The following TRPC4 variants were observed in gnomAD, a reference collection of about 807,000 sequenced individuals.
The protein encoded by TRPC4 is short transient receptor potential channel 4.
TRPC4 carries 49 observed loss-of-function variants against 99.4 expected under a neutral mutation model. The observed-to-expected ratio is 0.49, with a 90% confidence interval of 0.39 to 0.63. The LOEUF is 0.63. TRPC4 is among the 20% of genes least tolerant of loss of function. The probability of loss-of-function intolerance (pLI) is 0.00; values close to 1 mark genes in which losing one functional copy is unlikely to be tolerated. For missense variants in TRPC4, 898 were observed against 1,152.9 expected, an observed-to-expected ratio of 0.78 and a Z score of 3.20; for synonymous variants, 454 against 425.9, an observed-to-expected ratio of 1.07 and a Z score of -0.81.
chr13:37,757,091 A>AC (rs2139220803), intron 2 of TRPC4, among the ~76,000 whole-genome samples: 1 of 14,760 alleles, frequency 6.8e-5, no homozygotes. Context: ...AAAATACATT[A>AC]AAAAATATGC....
At position 37,636,550 on chromosome 13, in the gene TRPC4, A is replaced by C. The variant is rs975583206; in HGVS notation, c.*353T>G. On this transcript the variant is annotated 3_prime_UTR_variant, in exon 11 of 11. Transcript: ENST00000379705. ...TCAGCCACATTGGTTTTTGAATATA[A>C]AAATATCTATTTTAGGAGTCAACTA... 6.1e-6 allele frequency: 1 copy of C among 164,698 alleles called. No homozygotes were observed. The highest frequency in any genetic ancestry group is 1.3e-5 in the Non-Finnish European group (1 of 76,872). 10.2% of individuals were successfully genotyped at this position (164,698 alleles called of 1,614,324 possible).
chr13:37,834,535 T>C (rs1472536099), intron 1 of TRPC4, among the ~76,000 whole-genome samples: 1 of 152,212 alleles, frequency 6.6e-6, no homozygotes, highest in Non-Finnish European at 1.5e-5. Flanking sequence ...AAAAGATTAC[T>C]TTCCTCATAA....
At chr13:37,813,560 C>T (rs1035504931) in intron 1 of TRPC4, among the ~76,000 whole-genome samples, 1 of 151,608 alleles carries the variant, frequency 6.6e-6, no homozygotes, top group Admixed American at 6.6e-5. Flanking sequence ...AACACTACTA[C>T]TGATGTTACA....
At chr13:37,639,419 A>T (rs1466313763) in intron 8 of TRPC4, 120 bp from the exon 9 acceptor site, 1 of 1,005,736 alleles carries the variant, frequency 9.9e-7, no homozygotes, top group East Asian at 2.7e-5. Flanking sequence ...GAGTTTTACT[A>T]GTCAATGGAC....
At chr13:37,859,056 C>T (rs1959199419) in intron 1 of TRPC4, among the ~76,000 whole-genome samples, 2 of 151,220 alleles carry the variant, frequency 1.3e-5, no homozygotes, top group Admixed American at 6.6e-5. Flanking sequence ...TAAATACATA[C>T]ACCTACTATG....
Position 37,632,910 on chromosome 13 carries a change from C to A in TRPC4, c.*3993G>T, listed in dbSNP as rs17056328. 8.1e-3 allele frequency among the ~76,000 whole-genome samples: 1,236 copies of A among 152,236 alleles called. 13 individuals carry two copies. Among genetic ancestry groups the A allele is most frequent in the African/African-American group, 0.028 (1,184 of 41,552 alleles). On this transcript the variant is annotated 3_prime_UTR_variant, in exon 11 of 11. Coordinates refer to ENST00000379705, the MANE Select transcript of TRPC4 (RefSeq NM_016179.4). The stretch of plus-strand genomic sequence containing the variant: ...ATATTTTCTACAAGGGCAAAGAAGA[C>A]AAAATGTTCCCCAAATAAAAAGTCA...
At chr13:37,830,850 GA>G (rs554372517) in intron 1 of TRPC4, among the ~76,000 whole-genome samples, 6 of 148,752 alleles carry the variant, frequency 4.0e-5, no homozygotes, top group Admixed American at 1.3e-4. Flanking sequence ...TAGAAGGGGA[GA>G]AAAGTAAGCG....
At chr13:37,647,389 T>C (rs1054615764) in intron 8 of TRPC4, among the ~76,000 whole-genome samples, 1 of 152,164 alleles carries the variant, frequency 6.6e-6, no homozygotes, top group African/African-American at 2.4e-5. Flanking sequence ...TAAACCAGCC[T>C]GGTAAACAAG....
intron 1 of TRPC4, among the ~76,000 whole-genome samples, chr13:37,812,419 A>G (rs1957729636): frequency 6.6e-6 from 1 of 152,032 alleles, no homozygotes; most frequent in South Asian, 2.1e-4. Context: ...AGATATTAAA[A>G]TTAGCAAGAA....
At chr13:37,851,543 GAAATT>G (rs1338632371) in intron 1 of TRPC4, among the ~76,000 whole-genome samples, 4 of 152,254 alleles carry the variant, frequency 2.6e-5, no homozygotes, top group African/African-American at 9.6e-5. Flanking sequence ...TTCAATAACT[GAAATT>G]ATTAATTCAA....
intron 1 of TRPC4, among the ~76,000 whole-genome samples, chr13:37,855,337 GATAT>G (rs59525799): frequency 3.7e-5 from 5 of 136,576 alleles, no homozygotes; most frequent in East Asian, 2.1e-4. Flanking sequence ...ATACAATGTA[GATAT>G]ATATATATAT....
intron 8 of TRPC4, among the ~76,000 whole-genome samples, chr13:37,648,547 TA>T (rs906421779): frequency 1.8e-3 from 249 of 141,962 alleles, no homozygotes; most frequent in Admixed American, 1.7e-3. Context: ...TATTAATGGT[TA>T]AAAAAAAAAA....
chr13:37,789,712 T>G (rs979149201), intron 1 of TRPC4, among the ~76,000 whole-genome samples: 1 of 152,096 alleles, frequency 6.6e-6, no homozygotes, highest in African/African-American at 2.4e-5. Flanking sequence ...GTTTTTCTTT[T>G]CTGCACATCT....
chr13:37,634,121 CAT>C lies in TRPC4; in HGVS notation c.*2780_*2781del, dbSNP rs1951453712. On this transcript the variant is annotated 3_prime_UTR_variant, in exon 11 of 11. Transcript: ENST00000379705. ...TTAAGAGAGTACGAAAAATGAGAAACATTATTTATGTAAATGAAGGTAATTTC... is the reference window on the plus strand; with the variant it reads ...TTAAGAGAGTACGAAAAATGAGAAACTATTTATGTAAATGAAGGTAATTTC... Among the ~76,000 whole-genome samples, 1 of 151,926 alleles carries C rather than the reference CAT, an allele frequency of 6.6e-6. No homozygotes were observed. Among genetic ancestry groups the C allele is most frequent in the African/African-American group, 2.4e-5 (1 of 41,390 alleles).
intron 1 of TRPC4, among the ~76,000 whole-genome samples, chr13:37,846,450 G>A (rs76425675): frequency 6.6e-6 from 1 of 151,908 alleles, no homozygotes; most frequent in Admixed American, 6.6e-5. Context: ...AGTATGTGTG[G>A]GGTTGTGAAA....
chr13:37,868,634 A>ATT (rs34686635), intron 1 of TRPC4, among the ~76,000 whole-genome samples: 5,904 of 149,484 alleles, frequency 0.039, 159 homozygotes, highest in Middle Eastern at 0.073. Flanking sequence ...AAGTCTGTCT[A>ATT]TTTTTTTTTT....
At chr13:37,684,288 CA>C (rs1426216262) in intron 4 of TRPC4, among the ~76,000 whole-genome samples, 1 of 152,006 alleles carries the variant, frequency 6.6e-6, no homozygotes, top group Non-Finnish European at 1.5e-5. Context: ...ATGCTTAAAC[CA>C]CTATGGGTTT....
At chr13:37,793,258 G>C (rs940970536) in intron 1 of TRPC4, among the ~76,000 whole-genome samples, 5 of 151,998 alleles carry the variant, frequency 3.3e-5, no homozygotes, top group African/African-American at 9.7e-5. Flanking sequence ...ACTGTGGAAG[G>C]CACCCTGTGC....
At chr13:37,702,355 C>T (rs1192757922) in intron 3 of TRPC4, among the ~76,000 whole-genome samples, 1 of 152,268 alleles carries the variant, frequency 6.6e-6, no homozygotes, top group East Asian at 1.9e-4. Flanking sequence ...TAAACCATAA[C>T]ATCCATAGTT....
Sources: allele counts gnomAD v4.1 joint callset (sites outside exome capture counted in the v4.1 genomes callset), GRCh38; gene constraint gnomAD v4.1.1; transcripts MANE v1.5; gene names NCBI Gene and HGNC (gene_info 2026-07-23, HGNC 2026-07-21).